FUT9: variants seen among roughly 807,000 people sequenced by gnomAD.
The protein encoded by FUT9 is 4-galactosyl-N-acetylglucosaminide 3-alpha-L-fucosyltransferase 9.
A neutral mutation model predicts 29.7 loss-of-function variants in FUT9; 15 were observed. That is an observed-to-expected ratio of 0.51 (90% confidence interval 0.34 to 0.78). FUT9 has a LOEUF of 0.78. Among genes scored for constraint, FUT9 ranks in the 30% least tolerant of loss-of-function variants. The probability of loss-of-function intolerance (pLI) is 0.01; values close to 1 mark genes in which losing one functional copy is unlikely to be tolerated. For missense variants in FUT9, 319 were observed against 425.4 expected, an observed-to-expected ratio of 0.75 and a Z score of 2.20; for synonymous variants, 169 against 153.7, an observed-to-expected ratio of 1.10 and a Z score of -0.74.
At chr6:96,086,599 G>A (rs973784410) in intron 1 of FUT9, among the ~76,000 whole-genome samples, 2 of 151,918 alleles carry the variant, frequency 1.3e-5, no homozygotes, top group Non-Finnish European at 2.9e-5. Flanking sequence ...TCTTCCATTA[G>A]CTGTATGATT....
chr6:96,116,592 C>A (rs1452830735), intron 2 of FUT9, among the ~76,000 whole-genome samples: 1 of 152,098 alleles, frequency 6.6e-6, no homozygotes, highest in South Asian at 2.1e-4. Flanking sequence ...AAGGGGAATA[C>A]TATTCAAATA....
chr6:96,147,515 A>G (rs1184964899), intron 2 of FUT9, among the ~76,000 whole-genome samples: 1 of 152,174 alleles, frequency 6.6e-6, no homozygotes, highest in Non-Finnish European at 1.5e-5. Flanking sequence ...AAAGAAAAAG[A>G]TGAGCAACTG....
chr6:96,029,462 C>T (rs577149630), intron 1 of FUT9, among the ~76,000 whole-genome samples: 4 of 151,606 alleles, frequency 2.6e-5, no homozygotes, highest in South Asian at 2.1e-4. Context: ...TATTCAAGCT[C>T]GCATCCCACA....
chr6:96,109,658 C>T (rs1771760670), intron 1 of FUT9, among the ~76,000 whole-genome samples: 1 of 152,192 alleles, frequency 6.6e-6, no homozygotes, highest in Non-Finnish European at 1.5e-5. Context: ...CCAAACCTAA[C>T]AACCACCATT....
intron 1 of FUT9, among the ~76,000 whole-genome samples, chr6:96,044,651 T>C (rs186911910): frequency 2.6e-5 from 4 of 152,204 alleles, no homozygotes; most frequent in East Asian, 1.9e-4. Flanking sequence ...TGCTTTTTTT[T>C]CCCCCTGATT....
intron 1 of FUT9, among the ~76,000 whole-genome samples, chr6:96,019,091 T>C (rs1043370959): frequency 6.6e-6 from 1 of 152,038 alleles, no homozygotes; most frequent in African/African-American, 2.4e-5. Flanking sequence ...TTTATTCCTT[T>C]TATTTAGTAA....
chr6:96,169,843 T>C (rs994533570), intron 2 of FUT9, among the ~76,000 whole-genome samples: 6 of 152,176 alleles, frequency 3.9e-5, no homozygotes, highest in African/African-American at 1.4e-4. Flanking sequence ...GAAAGGTAAA[T>C]TAATTTCTTA....
intron 2 of FUT9, among the ~76,000 whole-genome samples, chr6:96,194,064 G>A (rs1342023276): frequency 6.6e-6 from 1 of 152,182 alleles, no homozygotes; most frequent in East Asian, 1.9e-4. Context: ...AGTGTCAGGG[G>A]AGAGGGGAGG....
chr6:96,053,929 A>G (rs889165566), intron 1 of FUT9, among the ~76,000 whole-genome samples: 1 of 152,266 alleles, frequency 6.6e-6, no homozygotes, highest in Non-Finnish European at 1.5e-5. Context: ...ATATTTGTGA[A>G]CATAATACTA....
At chr6:96,168,689 G>T (rs1773057419) in intron 2 of FUT9, among the ~76,000 whole-genome samples, 1 of 152,182 alleles carries the variant, frequency 6.6e-6, no homozygotes, top group Non-Finnish European at 1.5e-5. Flanking sequence ...TTAGTTCAGA[G>T]AGTTTTGCTG....
chr6:96,036,803 C>T (rs1407018828), intron 1 of FUT9: 2 of 151,922 alleles, frequency 1.3e-5, no homozygotes, highest in African/African-American at 4.8e-5. Flanking sequence ...TCCCACCTTC[C>T]TTTCTGCTTT....
chr6:96,148,670 G>T (rs776737897), intron 2 of FUT9, among the ~76,000 whole-genome samples: 2 of 152,172 alleles, frequency 1.3e-5, no homozygotes, highest in African/African-American at 4.8e-5. Context: ...CAGAGAGTAT[G>T]TATTTTGTAA....
chr6:96,089,198 A>C (rs1027535885), intron 1 of FUT9, among the ~76,000 whole-genome samples: 5 of 152,176 alleles, frequency 3.3e-5, no homozygotes, highest in Non-Finnish European at 7.3e-5. Flanking sequence ...TTTCATACAC[A>C]CATTTGCTGA....
At chr6:96,087,268 T>C (rs1771331471) in intron 1 of FUT9, among the ~76,000 whole-genome samples, 1 of 152,140 alleles carries the variant, frequency 6.6e-6, no homozygotes, top group Non-Finnish European at 1.5e-5. Context: ...TTGTGGTGTA[T>C]ATTTTTAACT....
At position 96,214,073 on chromosome 6, in the gene FUT9, C is replaced by T. The variant is rs779295335; in HGVS notation, c.*9838C>T. The T allele has an allele frequency of 6.0e-6, 1 of 166,816 alleles. No homozygotes were observed. Among genetic ancestry groups the T allele is most frequent in the Non-Finnish European group, 1.5e-5 (1 of 68,030 alleles). The allele number at this position is 166,816 out of a possible 1,614,324, so 10.3% of individuals were successfully genotyped here. On this transcript the variant is annotated 3_prime_UTR_variant, in exon 3 of 3. Transcript: ENST00000302103. ...GCTAATGAGCCAATAAACAATGCTGCGTTTCTTTTTTCTAACTGCAGCATA... is the reference window on the plus strand; with the variant it reads ...GCTAATGAGCCAATAAACAATGCTGTGTTTCTTTTTTCTAACTGCAGCATA...
At chr6:96,153,750 A>G (rs1395497312) in intron 2 of FUT9, among the ~76,000 whole-genome samples, 1 of 152,172 alleles carries the variant, frequency 6.6e-6, no homozygotes, top group Non-Finnish European at 1.5e-5. Context: ...TCACCTCTCC[A>G]GTTTCCTTAC....
At chr6:96,045,475 G>A (rs774807300) in intron 1 of FUT9, among the ~76,000 whole-genome samples, 6 of 152,088 alleles carry the variant, frequency 3.9e-5, no homozygotes, top group Non-Finnish European at 8.8e-5. Context: ...CCATTTTGTT[G>A]ATTCCTAGAT....
chr6:96,125,693 C>T lies in FUT9; in HGVS notation c.-9+11566C>T, dbSNP rs144706300. On this transcript the variant is annotated intron_variant, in intron 2 of 2. Coordinates refer to ENST00000302103, the MANE Select transcript of FUT9 (RefSeq NM_006581.4). ...GAACCTCCACCTGCACCCTCAGAGC[C>T]CCATGCAACAGTGAATAATCAAATG... is the stretch of plus-strand genomic sequence containing the variant. Among the ~76,000 whole-genome samples the T allele has an allele frequency of 1.6e-3, 247 of 152,206 alleles. 1 individual carries two copies. Among genetic ancestry groups the T allele is most frequent in the Non-Finnish European group, 2.7e-3 (184 of 68,008 alleles).
chr6:96,025,595 A>C (rs1415111407), intron 1 of FUT9, among the ~76,000 whole-genome samples: 1 of 151,714 alleles, frequency 6.6e-6, no homozygotes, highest in African/African-American at 2.4e-5. Flanking sequence ...ACAGAGAGGA[A>C]TCAGAGAGCA....
Sources: gnomAD v4.1 joint callset for allele counts (sites outside exome capture counted in the v4.1 genomes callset) on GRCh38, gnomAD v4.1.1 for gene constraint, MANE v1.5 for transcripts, NCBI Gene and HGNC (gene_info 2026-07-23, HGNC 2026-07-21) for gene names.